RNF4: variants seen among roughly 807,000 people sequenced by gnomAD.
RNF4 encodes the protein ring finger protein 4.
In RNF4, 7 loss-of-function variants were observed where a neutral mutation model predicts 24.3. The ratio of observed to expected loss-of-function variants is 0.29; its 90% CI spans 0.16 to 0.54. RNF4 has a LOEUF of 0.54. RNF4 is among the 20% of genes least tolerant of loss of function. The pLI is 0.95. For synonymous variants in RNF4, 83 were observed against 84.3 expected, an observed-to-expected ratio of 0.98 and a Z score of 0.09; for missense variants, 209 against 248.5, an observed-to-expected ratio of 0.84 and a Z score of 1.07.
chr4:2,495,986 G>A (rs1490754115), intron 2 of RNF4, among the ~76,000 whole-genome samples: 5 of 152,210 alleles, frequency 3.3e-5, no homozygotes, highest in Non-Finnish European at 5.9e-5. Flanking sequence ...TTGGGACCAG[G>A]CAGACCAGAA....
In RNF4 at chr4:2,484,067, T is replaced by TTCCC. The variant is rs113878655; in HGVS notation, c.-157-6270_-157-6269insTCCC. Among the ~76,000 whole-genome samples the TTCCC allele has an allele frequency of 4.5e-4, 6 of 13,280 alleles. 2 individuals are homozygous for TTCCC. Among genetic ancestry groups the TTCCC allele is most frequent in the Non-Finnish European group, 9.5e-4 (6 of 6,346 alleles). The allele number at this position is 13,280 out of a possible 152,430, so 8.7% of individuals were successfully genotyped here. A position where few individuals can be genotyped will look rare whatever the true frequency, so the allele number is the denominator to read the frequency against. The stretch of plus-strand genomic sequence containing the variant: ...GTCTCGAACTCCTGGCCTCAGGTGA[T>TTCCC]CCCCCCCCGCCTCGGCCTCCCAAAG... On this transcript the variant is annotated intron_variant, in intron 1 of 7. Coordinates refer to ENST00000314289, the MANE Select transcript of RNF4 (RefSeq NM_002938.5).
At chr4:2,502,303 C>T (rs989405189) in intron 4 of RNF4, among the ~76,000 whole-genome samples, 1 of 152,210 alleles carries the variant, frequency 6.6e-6, no homozygotes, top group African/African-American at 2.4e-5. Flanking sequence ...AGGATTTTGA[C>T]TGCAGGAAGA....
At position 2,512,573 on chromosome 4, in the gene RNF4, G is replaced by A; in HGVS notation, c.350G>A (p.Arg117Lys). The A allele has an allele frequency of 1.9e-6, 3 of 1,613,902 alleles. No individual in the cohort carries two copies. In the East Asian group the frequency reaches 6.7e-5, roughly 36 times the overall value. Residue 117 changes from arginine to lysine, a missense_variant, in exon 6 of 8, where the codon AGG becomes AAG. Around this residue, in one of 3 missense-constraint regions of RNF4, gnomAD observed 182 missense variants for 197.2 expected, o/e 0.92. Coordinates refer to ENST00000314289, the MANE Select transcript of RNF4 (RefSeq NM_002938.5). This position sits in a 1 kb window ranked among gnomAD's most constrained non-coding sequence, Gnocchi z 4.1. Reference sequence around the variant, plus strand: ...ACTACCCATACTCCCAGAAACGCCAGGGATGAGGGCGCTACAGGCCTCAGG... The same window carrying A: ...ACTACCCATACTCCCAGAAACGCCAAGGATGAGGGCGCTACAGGCCTCAGG... ...YVTTHTPRNA[R>K]DEGATGLRPS...
At position 2,514,991 on chromosome 4, in the gene RNF4, C is replaced by G. The variant is rs1003798900; in HGVS notation, c.*1172C>G. 1 of 152,400 alleles carries G rather than the reference C, an allele frequency of 6.6e-6. No individual in the cohort carries two copies. Among genetic ancestry groups the G allele is most frequent in the Non-Finnish European group, 1.5e-5 (1 of 68,088 alleles). 9.4% of individuals were successfully genotyped at this position (152,400 alleles called of 1,614,324 possible). A position where few individuals can be genotyped will look rare whatever the true frequency, so the allele number is the denominator to read the frequency against. ...CAACCTCTCCTTCGCTCCACAGGTA[C>G]GCGGGAGCCTCAGGTTCTCTCAGGG... On this transcript the variant is annotated 3_prime_UTR_variant, in exon 8 of 8. Transcript: ENST00000314289.
intron 4 of RNF4, chr4:2,505,497 T>C (rs1001866993): frequency 1.3e-5 from 2 of 151,184 alleles, no homozygotes; most frequent in Non-Finnish European, 2.9e-5. Context: ...GGCTAATTTT[T>C]TGTATTTTTA....
In RNF4 at chr4:2,514,462, T is replaced by C. The variant is rs1736356102; in HGVS notation, c.*643T>C. On this transcript the variant is annotated 3_prime_UTR_variant, in exon 8 of 8. Coordinates refer to ENST00000314289, the MANE Select transcript of RNF4 (RefSeq NM_002938.5). The stretch of plus-strand genomic sequence containing the variant: ...CAATAAAGGCCATTCGTTACCTACT[T>C]TTCAGCAGCCCACAAGATGTAGCAC... 1 of 154,454 alleles carries C rather than the reference T, an allele frequency of 6.5e-6. No individual in the cohort carries two copies. Among genetic ancestry groups the C allele is most frequent in the Non-Finnish European group, 1.4e-5 (1 of 69,260 alleles). The allele number at this position is 154,454 out of a possible 1,614,324, so 9.6% of individuals were successfully genotyped here.
rs28503940 is a variant in RNF4, at chr4:2,502,356, T to A, written c.204+1618T>A. 4.4e-3 allele frequency among the ~76,000 whole-genome samples: 666 copies of A among 152,254 alleles called. 7 individuals carry two copies. The highest frequency in any genetic ancestry group is 0.015 in the African/African-American group (642 of 41,528). On this transcript the variant is annotated intron_variant, in intron 4 of 7. Transcript: ENST00000314289. The stretch of plus-strand genomic sequence containing the variant: ...TTGTTGGCTGACAAACCAACATCAT[T>A]TCCCCTTTCACACTTGTGTTTTCTT...
intron 4 of RNF4, among the ~76,000 whole-genome samples, chr4:2,506,972 G>A (rs1232440766): frequency 6.6e-6 from 1 of 152,266 alleles, no homozygotes; most frequent in East Asian, 1.9e-4. Flanking sequence ...AAGGAATCGA[G>A]ATTCTTTAAG....
intron 4 of RNF4, among the ~76,000 whole-genome samples, chr4:2,509,976 A>G (rs555107069): frequency 4.7e-4 from 72 of 152,268 alleles, no homozygotes; most frequent in African/African-American, 1.5e-3. Flanking sequence ...CTCCTTTTCT[A>G]GATTTCATGC....
chr4:2,487,979 C>T (rs1027932616), intron 1 of RNF4, among the ~76,000 whole-genome samples: 2 of 152,198 alleles, frequency 1.3e-5, no homozygotes, highest in Admixed American at 1.3e-4. Context: ...AAAACCTACT[C>T]TGGCCTCCCT....
intron 1 of RNF4, among the ~76,000 whole-genome samples, chr4:2,481,469 A>T (rs537000362): frequency 7.9e-5 from 12 of 152,196 alleles, no homozygotes; most frequent in Non-Finnish European, 1.3e-4. Flanking sequence ...TTGGTATGAT[A>T]TAAAGACTTT....
At chr4:2,507,203 AGAGG>A (rs924616863) in intron 4 of RNF4, among the ~76,000 whole-genome samples, 8 of 141,538 alleles carry the variant, frequency 5.7e-5, no homozygotes, top group East Asian at 5.0e-4. Flanking sequence ...GAAGGAAGGA[AGAGG>A]GAGGGAGGGA....
At chr4:2,509,888 T>G (rs796837348) in intron 4 of RNF4, among the ~76,000 whole-genome samples, 3 of 152,250 alleles carry the variant, frequency 2.0e-5, no homozygotes, top group African/African-American at 7.2e-5. Flanking sequence ...CTGGGGTCAT[T>G]TCTAGCCACA....
In RNF4 at chr4:2,512,068, A is replaced by G; in HGVS notation, c.214+103A>G. On this transcript the variant is annotated intron_variant, in intron 5 of 7. Transcript: ENST00000314289. The surrounding 1 kb of genome is among the most constrained non-coding windows in gnomAD (Gnocchi z 4.1). The stretch of plus-strand genomic sequence containing the variant: ...TGCCAGACCATCCCCAAGGGCTTGG[A>G]GCGCTCCAAGCAGGAAGATGCCTTC... 1 of 1,090,208 alleles carries G rather than the reference A, an allele frequency of 9.2e-7. No homozygotes were observed. The highest frequency in any genetic ancestry group is 1.3e-6 in the Non-Finnish European group (1 of 742,220). The allele number at this position is 1,090,208 out of a possible 1,614,324, so 67.5% of individuals were successfully genotyped here.
intron 1 of RNF4, among the ~76,000 whole-genome samples, chr4:2,470,511 A>C (rs1734869894): frequency 6.6e-6 from 1 of 152,246 alleles, no homozygotes; most frequent in Non-Finnish European, 1.5e-5. Flanking sequence ...ACTTTAACAC[A>C]TCGTTTATTG....
rs967407853 is a variant in RNF4 at position 2,482,262 on chromosome 4, T to C, written c.-157-8075T>C. On this transcript the variant is annotated intron_variant, in intron 1 of 7. Transcript: ENST00000314289. Reference sequence around the variant, plus strand: ...GGTCAAATAATCAGATTTGTGAGTGTCTCACAACCATCCCTGTACCCCAGC... The same window carrying C: ...GGTCAAATAATCAGATTTGTGAGTGCCTCACAACCATCCCTGTACCCCAGC... Among the ~76,000 whole-genome samples the C allele has an allele frequency of 3.9e-5, 6 of 152,186 alleles. No homozygotes were observed. In the East Asian group the frequency reaches 1.2e-3, roughly 29 times the overall value.
chr4:2,478,169 C>A (rs1396028042), intron 1 of RNF4, among the ~76,000 whole-genome samples: 1 of 152,188 alleles, frequency 6.6e-6, no homozygotes, highest in Non-Finnish European at 1.5e-5. Flanking sequence ...TTTAGGGTAT[C>A]TGGCAGAATA....
intron 4 of RNF4, chr4:2,505,723 C>CTTTTTTTTTTTTTTTTTTT (rs67508332): frequency 2.0e-5 from 1 of 50,676 alleles, no homozygotes; most frequent in Admixed American, 3.4e-4. Flanking sequence ...CATGGTCTGC[C>CTTTTTTTTTTTTTTTTTTT]TTTTTTTTTT....
At chr4:2,490,649 G>A in intron 2 of RNF4, 147 bp downstream of exon 2, 1 of 755,122 alleles carries the variant, frequency 1.3e-6, no homozygotes, top group South Asian at 2.0e-5. Flanking sequence ...GCTTTCTGGT[G>A]GTTACATCAG....
Sources: allele counts gnomAD v4.1 joint callset (sites outside exome capture counted in the v4.1 genomes callset), GRCh38; gene constraint gnomAD v4.1.1; regional missense constraint gnomAD v4.1.1; non-coding constraint Gnocchi (gnomAD v3.1); transcripts MANE v1.5; gene names NCBI Gene and HGNC (gene_info 2026-07-23, HGNC 2026-07-21).